The following COL6A5 variants were observed in gnomAD, a reference collection of about 807,000 sequenced individuals.
The protein encoded by COL6A5 is collagen type VI alpha 5 chain, also known as collagen alpha-5(VI) chain.
Under a neutral mutation model 65.6 loss-of-function variants are expected in COL6A5, and 48 were observed. The ratio of observed to expected loss-of-function variants is 0.73; its 90% CI spans 0.58 to 0.93. The LOEUF (loss-of-function observed/expected upper bound fraction) is 0.93. COL6A5 is among the 40% of genes least tolerant of loss of function. The pLI is 0.00. For missense variants in COL6A5, 914 were observed against 928.3 expected (o/e 0.98, Z 0.20); for synonymous variants, 291 against 322.8 (o/e 0.90, Z 1.05).
chr3:130,464,437 T>C (rs1186799720), intron 5 of COL6A5, among the ~76,000 whole-genome samples: 1 of 152,104 alleles, frequency 6.6e-6, no homozygotes, highest in Non-Finnish European at 1.5e-5. Flanking sequence ...CCAGCAATGC[T>C]TTTCTTTATG....
At chr3:130,392,081 G>A (rs189097464) in intron 7 of COL6A5, among the ~76,000 whole-genome samples, 1 of 152,278 alleles carries the variant, frequency 6.6e-6, no homozygotes, top group East Asian at 1.9e-4. Flanking sequence ...GCTGCTCATG[G>A]TGCTCCATTT....
At chr3:130,430,807 A>C (rs1559899242), upstream of COL6A5, among the ~76,000 whole-genome samples, 1 of 152,170 alleles carries the variant, frequency 6.6e-6, no homozygotes, top group Non-Finnish European at 1.5e-5. Flanking sequence ...CATTAAGAAT[A>C]ATCTTTACTC....
At chr3:130,395,404 A>C in exon 8 of COL6A5, 1 of 1,547,866 alleles carries the variant, frequency 6.5e-7, no homozygotes, top group Non-Finnish European at 8.7e-7. Flanking sequence ...TTGATAAATT[A>C]AAGAATGTGG....
At chr3:130,353,048 A>G (rs1301598078) in intron 1 of COL6A5, among the ~76,000 whole-genome samples, 1 of 152,240 alleles carries the variant, frequency 6.6e-6, no homozygotes, top group African/African-American at 2.4e-5. Context: ...GACTGTAAAT[A>G]AGAGAATCAA....
Position 130,431,999 on chromosome 3 carries a change from T to TCTTAA in COL6A5, c.487+50_487+51insCTTAA, listed in dbSNP as rs1173854175. The stretch of plus-strand genomic sequence containing the variant: ...TTTAATTTTAAGATAGAGGTAGGTA[T>TCTTAA]TGTGATAGGGCAGGATGGGAGTGGT... On this transcript the variant is annotated intron_variant, in intron 1 of 7. Coordinates refer to ENST00000512836, the Ensembl canonical transcript of COL6A5. The TCTTAA allele has an allele frequency of 4.6e-6, 7 of 1,526,806 alleles. No individual in the cohort carries two copies. The African/African-American group carries it at 9.7e-5, about 21-fold the overall frequency. The allele number at this position is 1,526,806 out of a possible 1,614,324, so 94.6% of individuals were successfully genotyped here. A position where few individuals can be genotyped will look rare whatever the true frequency, so the allele number is the denominator to read the frequency against.
chr3:130,387,691 G>C (rs145527501), intron 5 of COL6A5, among the ~76,000 whole-genome samples: 5 of 152,032 alleles, frequency 3.3e-5, no homozygotes, highest in African/African-American at 9.6e-5. Flanking sequence ...AGAAGTATGG[G>C]ATAGACTTCA....
At chr3:130,398,592 G>A (rs1936699393) in intron 10 of COL6A5, among the ~76,000 whole-genome samples, 1 of 152,108 alleles carries the variant, frequency 6.6e-6, no homozygotes, top group South Asian at 2.1e-4. Context: ...CCAAAATGCT[G>A]CAAATGCTGT....
chr3:130,354,841 A>T (rs1383862217), intron 1 of COL6A5, among the ~76,000 whole-genome samples: 1 of 152,192 alleles, frequency 6.6e-6, no homozygotes, highest in Non-Finnish European at 1.5e-5. Context: ...CCAGTATGGT[A>T]GCCACTCACT....
At chr3:130,365,408 G>A (rs1344449781) in intron 1 of COL6A5, among the ~76,000 whole-genome samples, 1 of 152,152 alleles carries the variant, frequency 6.6e-6, no homozygotes, top group East Asian at 1.9e-4. Context: ...CTCCCGAGTA[G>A]CTGGGACTAC....
At chr3:130,393,076 T>G (rs111656352) in intron 7 of COL6A5, among the ~76,000 whole-genome samples, 11,299 of 92,266 alleles carry the variant, frequency 0.12, 602 homozygotes, top group African/African-American at 0.29. Context: ...TGTTTTTTTT[T>G]TGTGTGTGTG....
At chr3:130,368,642 CA>C (rs1935432997) in intron 1 of COL6A5, among the ~76,000 whole-genome samples, 3 of 151,618 alleles carry the variant, frequency 2.0e-5, no homozygotes, top group Admixed American at 6.6e-5. Context: ...TGATAGGTAC[CA>C]AAGAAGAGGA....
chr3:130,360,212 A>G (rs1206484703), intron 1 of COL6A5, among the ~76,000 whole-genome samples: 1 of 152,126 alleles, frequency 6.6e-6, no homozygotes, highest in Admixed American at 6.5e-5. Flanking sequence ...GTGTGGCATA[A>G]ATGTAATGCA....
intron 5 of COL6A5, among the ~76,000 whole-genome samples, chr3:130,458,483 C>T (rs1577530799): frequency 6.6e-6 from 1 of 152,162 alleles, no homozygotes; most frequent in South Asian, 2.1e-4. Context: ...TTGTCCTAGA[C>T]TACTGAATCA....
chr3:130,470,897 G>C (rs752185068), exon 7 of COL6A5: 13 of 1,612,406 alleles, frequency 8.1e-6, no homozygotes, highest in Non-Finnish European at 1.7e-6. Context: ...TCCCACCGAA[G>C]ATATGAAAGC....
intron 3 of COL6A5, among the ~76,000 whole-genome samples, 154 bp from the exon 4 acceptor site, chr3:130,379,264 A>G (rs1935901330): frequency 6.6e-6 from 1 of 152,112 alleles, no homozygotes; most frequent in African/African-American, 2.4e-5. Flanking sequence ...CTTGTTTAGA[A>G]TTTTGATTTT....
chr3:130,389,044 G>A lies in COL6A5; in HGVS notation c.2326G>A (p.Gly776Arg), dbSNP rs546565877. ...TAGATCTCAGCTAGAAGAGATCAGT[G>A]GGGATAGCAGCCTAGTTTTTCATGT... Residue 776 changes from glycine (G) to arginine (R), a missense_variant and NMD_transcript_variant, in exon 6 of 42, where the codon GGG (glycine) becomes AGG (arginine). Physicochemically the swap from Gly to Arg is moderately radical, Grantham distance 125 (BLOSUM62 -2). Coordinates refer to the COL6A5 transcript ENST00000312481. 30 of 1,503,794 alleles carry A rather than the reference G, an allele frequency of 2.0e-5. No individual in the cohort carries two copies. In the African/African-American group the frequency reaches 3.5e-4, roughly 18 times the overall value. 93.2% of individuals were successfully genotyped at this position (1,503,794 alleles called of 1,614,324 possible). A position where few individuals can be genotyped will look rare whatever the true frequency, so the allele number is the denominator to read the frequency against.
intron 3 of COL6A5, among the ~76,000 whole-genome samples, chr3:130,379,083 C>T (rs900592206): frequency 3.3e-5 from 5 of 151,516 alleles, no homozygotes; most frequent in East Asian, 3.9e-4. Context: ...TGGTGGTGGT[C>T]GTGGTGGAGG....
At chr3:130,368,871 G>T (rs552587161) in intron 1 of COL6A5, among the ~76,000 whole-genome samples, 1 of 152,204 alleles carries the variant, frequency 6.6e-6, no homozygotes, top group Admixed American at 6.5e-5. Context: ...GTGCCTTCCA[G>T]ATGCTCCAGA....
rs1559863881 is a variant in COL6A5, at chr3:130,373,723, G to GATTTT, written c.67+18_67+19insATTTT. ...GAGCCCAGGTATCAGTATATTTTACGTTTATTATTATTTAGGAAATATTTT... is the reference window on the plus strand; with the variant it reads ...GAGCCCAGGTATCAGTATATTTTACGATTTTTTTATTATTATTTAGGAAATATTTT... On this transcript the variant is annotated intron_variant and NMD_transcript_variant, in intron 2 of 41. Coordinates refer to the COL6A5 transcript ENST00000312481. 2.1e-6 allele frequency: 3 copies of GATTTT among 1,452,514 alleles called. No homozygotes were observed. Among genetic ancestry groups the GATTTT allele is most frequent in the Non-Finnish European group, 2.8e-6 (3 of 1,066,844 alleles). 90.0% of individuals were successfully genotyped at this position (1,452,514 alleles called of 1,614,324 possible). A position where few individuals can be genotyped will look rare whatever the true frequency, so the allele number is the denominator to read the frequency against.
Sources: gnomAD v4.1 joint callset for allele counts (sites outside exome capture counted in the v4.1 genomes callset) on GRCh38, gnomAD v4.1.1 for gene constraint, MANE v1.5 for transcripts, NCBI Gene and HGNC (gene_info 2026-07-23, HGNC 2026-07-21) for gene names.